The following GYS1 variants were observed in gnomAD, a reference collection of about 807,000 sequenced individuals.
GYS1 encodes glycogen synthase 1, also known as glycogen [starch] synthase, muscle.
In GYS1, 60 loss-of-function variants were observed where a neutral mutation model predicts 89.1. The observed-to-expected ratio is 0.67, with a 90% CI of 0.55 to 0.84. The LOEUF (loss-of-function observed/expected upper bound fraction) is 0.84, where lower values mean the gene tolerates loss of function less well. Ranked by LOEUF, GYS1 falls within the 40% of genes least tolerant of loss-of-function variation. The pLI, the probability that GYS1 is intolerant of heterozygous loss-of-function variation, is 0.00. For synonymous variants in GYS1, 366 were observed against 401.7 expected (o/e 0.91, Z 1.06); for missense variants, 888 against 1,003.1 (o/e 0.89, Z 1.55).
chr19:48,983,534 A>G (rs907249810), intron 5 of GYS1, among the ~76,000 whole-genome samples: 4 of 152,160 alleles, frequency 2.6e-5, no homozygotes, highest in African/African-American at 9.7e-5. Context: ...TCTACTTCCA[A>G]GCTTCTTACA....
chr19:48,972,030 TA>T (rs2038572731), intron 12 of GYS1, among the ~76,000 whole-genome samples: 1 of 136,530 alleles, frequency 7.3e-6, no homozygotes, highest in East Asian at 2.3e-4. Context: ...CATGGCTAAT[TA>T]AAAATAAAAA....
rs1336212760 is a variant in GYS1, at chr19:48,968,951, A to G, written c.*337T>C. The G allele has an allele frequency of 1.8e-6, 1 of 546,470 alleles. No homozygotes were observed. 33.9% of individuals were successfully genotyped at this position (546,470 alleles called of 1,614,324 possible). On this transcript the variant is annotated 3_prime_UTR_variant, in exon 16 of 16. Coordinates refer to ENST00000323798, the MANE Select transcript of GYS1 (RefSeq NM_002103.5). ...CCACACGGGGGGCTCTAAAAGCCCC[A>G]GACCTGAAAGCACCATGCCAGGTTT...
Position 48,985,550 on chromosome 19 carries a change from T to A in GYS1, c.734A>T (p.Glu245Val). The change falls in exon 5 of 16, where the codon GAA (glutamate) becomes GTA (valine). Residue 245 changes from glutamate (E) to valine (V), a missense_variant. Glu to Val is a moderately radical substitution (Grantham distance 121). Coordinates refer to ENST00000323798, the MANE Select transcript of GYS1 (RefSeq NM_002103.5). ...GTGAGCGCAGTGGGCTGCCGCCCTT[T>A]CCATGCAGTATCGGTGGTAGATCTG... Reference protein sequence around the residue: ...ERQIYHRYCMERAAAHCAHVF... With the variant: ...ERQIYHRYCMVRAAAHCAHVF... The A allele has an allele frequency of 6.2e-7, 1 of 1,614,112 alleles. No homozygotes were observed. The highest frequency in any genetic ancestry group is 8.5e-7 in the Non-Finnish European group (1 of 1,179,974).
At chr19:48,989,774 G>A (rs2038894202) in intron 2 of GYS1, among the ~76,000 whole-genome samples, 1 of 152,170 alleles carries the variant, frequency 6.6e-6, no homozygotes, top group Non-Finnish European at 1.5e-5. Context: ...CCCCAGGGCT[G>A]CATTTTTCTA....
chr19:48,969,959 G>T, intron 14 of GYS1, 104 bp from the exon 15 acceptor site: 1 of 746,006 alleles, frequency 1.3e-6, no homozygotes, highest in Non-Finnish European at 2.4e-6. Context: ...TGAGCACACT[G>T]CTGCACCCCA....
rs780439771 is a variant in GYS1, at chr19:48,993,260, C to A, written c.-148G>T. The A allele has an allele frequency of 1.3e-6, 1 of 743,212 alleles. No homozygotes were observed. The highest frequency in any genetic ancestry group is 1.4e-5 in the South Asian group (1 of 73,014). 46.0% of individuals were successfully genotyped at this position (743,212 alleles called of 1,614,324 possible). ...TCGGCTTCCTATTGCAAGACCGCAC[C>A]CCTGCCCCGAAGCGTTGGGACCTAG... On this transcript the variant is annotated 5_prime_UTR_variant, in exon 1 of 16. Coordinates refer to ENST00000323798, the MANE Select transcript of GYS1 (RefSeq NM_002103.5).
chr19:48,969,677 C>T, intron 15 of GYS1, 66 bp from the exon 16 acceptor site: 1 of 1,575,490 alleles, frequency 6.3e-7, no homozygotes, highest in Non-Finnish European at 8.7e-7. Context: ...CCCAGGCATC[C>T]AGCCACCTCT....
intron 10 of GYS1, among the ~76,000 whole-genome samples, chr19:48,977,206 A>C (rs1251211236): frequency 6.6e-6 from 1 of 152,092 alleles, no homozygotes; most frequent in African/African-American, 2.4e-5. Flanking sequence ...CCTGGTCTCA[A>C]GTGATCTTCC....
At position 48,991,662 on chromosome 19, in the gene GYS1, G is replaced by A. The variant is rs527758357; in HGVS notation, c.119-179C>T. ...TTGGAAGCTTGGATGAGGGGAACAC[G>A]AGGGCTGGAGGGCAGTCCTCCTGGG... On this transcript the variant is annotated intron_variant, in intron 1 of 15. Coordinates refer to ENST00000323798, the MANE Select transcript of GYS1 (RefSeq NM_002103.5). This position sits in a 1 kb window ranked among gnomAD's most constrained non-coding sequence, Gnocchi z 4.7. 10 of 640,474 alleles carry A rather than the reference G, an allele frequency of 1.6e-5. No homozygotes were observed. Among genetic ancestry groups the A allele is most frequent in the African/African-American group, 7.3e-5 (4 of 54,944 alleles). The allele number at this position is 640,474 out of a possible 1,614,324, so 39.7% of individuals were successfully genotyped here.
Position 48,974,717 on chromosome 19 carries a change from G to T in GYS1, c.1325C>A (p.Pro442His). ...ATCCAGCATATTGTGGGTGCACACA[G>T]GGGGGAAAGACTGCCGCTGCAGGAG... ...IFATQRQSFP[P>H]VCTHNMLDDS... is the part of the protein sequence containing the mutation. Residue 442 changes from proline to histidine, a missense_variant, in exon 11 of 16, where the codon CCT becomes CAT. By Grantham distance (77) the Pro-to-His change is moderately conservative. Transcript: ENST00000323798. The T allele has an allele frequency of 6.2e-7, 1 of 1,611,044 alleles. No individual in the cohort carries two copies. Among genetic ancestry groups the T allele is most frequent in the Non-Finnish European group, 8.5e-7 (1 of 1,177,418 alleles).
In GYS1 at chr19:48,986,187, A is replaced by G. The variant is rs2038841701; in HGVS notation, c.493-152T>C. On this transcript the variant is annotated intron_variant, in intron 3 of 15. Coordinates refer to ENST00000323798, the MANE Select transcript of GYS1 (RefSeq NM_002103.5). Reference sequence around the variant, plus strand: ...CCCACTGCAGCAATCCCAACCGGACAGGGACCTGTAAATCCCTGAGGCAGC... The same window carrying G: ...CCCACTGCAGCAATCCCAACCGGACGGGGACCTGTAAATCCCTGAGGCAGC... 7 of 732,882 alleles carry G rather than the reference A, an allele frequency of 9.6e-6. No individual in the cohort carries two copies. The East Asian group carries it at 1.6e-4, about 17-fold the overall frequency. The allele number at this position is 732,882 out of a possible 1,614,324, so 45.4% of individuals were successfully genotyped here. A position where few individuals can be genotyped will look rare whatever the true frequency, so the allele number is the denominator to read the frequency against.
chr19:48,969,837 GGC>G lies in GYS1; in HGVS notation c.1826_1827del (p.Arg609ProfsTer49). ...GGAAAGGCCTTGGACAGCGCCATGTGGCGCGCAGACATATAGTACTAGGGGAA... is the reference window on the plus strand; with the variant it reads ...GGAAAGGCCTTGGACAGCGCCATGTGGCGCAGACATATAGTACTAGGGGAA... Reference protein sequence around the residue: ...KYLGRYYMSARHMALSKAFPE... With the variant: ...KYLGRYYMSAXHMALSKAFPE... On this transcript the variant is annotated frameshift_variant, in exon 15 of 16. Coordinates refer to ENST00000323798, the MANE Select transcript of GYS1 (RefSeq NM_002103.5). LOFTEE classifies it high-confidence loss of function. 6.2e-7 allele frequency: 1 copy of G among 1,613,658 alleles called. No homozygotes were observed. The highest frequency in any genetic ancestry group is 8.5e-7 in the Non-Finnish European group (1 of 1,179,772).
intron 10 of GYS1, 27 bp downstream of exon 10, chr19:48,977,895 ATC>A (rs781073122): frequency 5.1e-6 from 8 of 1,570,636 alleles, no homozygotes; most frequent in African/African-American, 1.4e-5. Flanking sequence ...AGGAACTGCT[ATC>A]TCTCTGCACA....
In GYS1 at chr19:48,969,335, T is replaced by G. The variant is rs1414855597; in HGVS notation, c.2167A>C (p.Ser723Arg). ...GAGCTGGTGGGGCTGAGGGGCTCGC[T>G]CGGGGTGCTGAGTGAGCTGGAGGTG... Reference protein sequence around the residue: ...TATSSSLSTPSEPLSPTSSLG... With the variant: ...TATSSSLSTPREPLSPTSSLG... The change falls in exon 16 of 16, where the codon AGC becomes CGC. Residue 723 changes from serine to arginine, a missense_variant. Transcript: ENST00000323798. 4.4e-6 allele frequency: 7 copies of G among 1,584,204 alleles called. No homozygotes were observed. The highest frequency in any genetic ancestry group is 6.0e-6 in the Non-Finnish European group (7 of 1,171,406).
In GYS1 at chr19:48,977,986, T is replaced by G; in HGVS notation, c.1246A>C (p.Met416Leu). 6.2e-7 allele frequency: 1 copy of G among 1,613,962 alleles called. No individual in the cohort carries two copies. Among genetic ancestry groups the G allele is most frequent in the Non-Finnish European group, 8.5e-7 (1 of 1,179,952 alleles). Residue 416 changes from methionine (M) to leucine (L), a missense_variant, in exon 10 of 16, where the codon ATG (methionine) becomes CTG (leucine). Physicochemically the swap from Met to Leu is conservative, Grantham distance 15. Transcript: ENST00000323798. ...TCTTCCTTATCCAGCATCTTGTTCA[T>G]GTCGGGAAGGCTCCCACTGCAAGGC... ...ESLLVGSLPD[M>L]NKMLDKEDFT...
In GYS1 at chr19:48,974,801, C is replaced by T. The variant is rs2038619963; in HGVS notation, c.1309-68G>A. On this transcript the variant is annotated intron_variant, in intron 10 of 15. Transcript: ENST00000323798. ...GAGAACTCCCTACTTCCTCATGAGCCATGCGGACCCTGGGGGAGCCAAGGA... is the reference window on the plus strand; with the variant it reads ...GAGAACTCCCTACTTCCTCATGAGCTATGCGGACCCTGGGGGAGCCAAGGA... 1.1e-5 allele frequency: 12 copies of T among 1,120,176 alleles called. No homozygotes were observed. In the South Asian group the frequency reaches 1.4e-4, roughly 13 times the overall value. The allele number at this position is 1,120,176 out of a possible 1,614,324, so 69.4% of individuals were successfully genotyped here.
intron 14 of GYS1, chr19:48,970,294 T>A: frequency 2.0e-6 from 1 of 498,986 alleles, no homozygotes; most frequent in Non-Finnish European, 3.6e-6. Context: ...TCGGCTGATT[T>A]TTTTTTATTT....
At chr19:48,984,147 C>A (rs755822401) in intron 5 of GYS1, among the ~76,000 whole-genome samples, 11 of 151,748 alleles carry the variant, frequency 7.2e-5, no homozygotes, top group Non-Finnish European at 1.2e-4. Flanking sequence ...GCTGGGATTA[C>A]AGGCGCCTGC....
intron 10 of GYS1, among the ~76,000 whole-genome samples, chr19:48,975,375 G>A (rs1253710268): frequency 6.6e-6 from 1 of 151,708 alleles, no homozygotes. Flanking sequence ...CACCTGGCCT[G>A]GAAATGTTTT....
Sources: gnomAD v4.1 joint callset for allele counts (sites outside exome capture counted in the v4.1 genomes callset) on GRCh38, gnomAD v4.1.1 for gene constraint, Gnocchi (gnomAD v3.1) non-coding constraint, MANE v1.5 for transcripts, NCBI Gene and HGNC (gene_info 2026-07-23, HGNC 2026-07-21) for gene names.